The following MIDEAS variants were observed in gnomAD, a reference collection of about 807,000 sequenced individuals.
The protein encoded by MIDEAS is mitotic deacetylase associated SANT domain protein.
MIDEAS carries 26 observed loss-of-function variants against 102.7 expected under a neutral mutation model. The observed-to-expected ratio is 0.25, with a 90% confidence interval of 0.19 to 0.35. MIDEAS has a LOEUF of 0.35. Ranked by LOEUF, MIDEAS falls within the 10% of genes least tolerant of loss-of-function variation. The pLI, the probability that MIDEAS is intolerant of heterozygous loss-of-function variation, is 1.00. For missense variants in MIDEAS, 1,231 were observed against 1,435.6 expected (o/e 0.86, Z 2.30); for synonymous variants, 585 against 591.0 (o/e 0.99, Z 0.15).
Position 73,742,913 on chromosome 14 carries a change from G to A in MIDEAS, c.-247-2658C>T, listed in dbSNP as rs937438748. ...TAATGATGATGGTGATGGTGCACCC[G>A]TGCCAGGCAGATCCTACGTGCTTTA... is the stretch of plus-strand genomic sequence containing the variant. On this transcript the variant is annotated intron_variant, in intron 1 of 12. Transcript: ENST00000423556. The surrounding 1 kb of genome is among the most constrained non-coding windows in gnomAD (Gnocchi z 4.4). Among the ~76,000 whole-genome samples the A allele has an allele frequency of 8.5e-5, 13 of 152,284 alleles. No homozygotes were observed. Among genetic ancestry groups the A allele is most frequent in the Admixed American group, 3.3e-4 (5 of 15,308 alleles).
chr14:73,756,184 G>C (rs1184138287), intron 1 of MIDEAS, among the ~76,000 whole-genome samples: 1 of 152,036 alleles, frequency 6.6e-6, no homozygotes, highest in Admixed American at 6.6e-5. Flanking sequence ...CGGTGTGGAT[G>C]AATTTTGCTG....
intron 5 of MIDEAS, 141 bp downstream of exon 5, chr14:73,727,317 G>A (rs1475818932): frequency 2.3e-6 from 2 of 874,016 alleles, no homozygotes; most frequent in Non-Finnish European, 3.6e-6. Context: ...AAAGCCCAGG[G>A]CCACATACAG....
rs1331115869 is a variant in MIDEAS, at chr14:73,742,142, C to A, written c.-247-1887G>T. On this transcript the variant is annotated intron_variant, in intron 1 of 12. Transcript: ENST00000423556. The surrounding 1 kb of genome is among the most constrained non-coding windows in gnomAD (Gnocchi z 4.4). The stretch of plus-strand genomic sequence containing the variant: ...CCTCTCCGAGGGAACATCAAGCCCA[C>A]AGAACTAGAAGTGCGTGTCTGCAGA... 6.6e-6 allele frequency among the ~76,000 whole-genome samples: 1 copy of A among 152,248 alleles called. No homozygotes were observed.
At chr14:73,723,285 C>G (rs1367364572) in intron 9 of MIDEAS, 1 of 156,830 alleles carries the variant, frequency 6.4e-6, no homozygotes, top group African/African-American at 2.4e-5. Flanking sequence ...GCTGGGATTA[C>G]AGGTGTGTGC....
At chr14:73,727,672 A>G in intron 4 of MIDEAS, 148 bp from the exon 5 acceptor site, 1 of 715,606 alleles carries the variant, frequency 1.4e-6, no homozygotes, top group South Asian at 2.0e-5. Flanking sequence ...CTGGCTCTGC[A>G]GCCTGTCACC....
intron 1 of MIDEAS, among the ~76,000 whole-genome samples, chr14:73,767,503 T>G (rs1375446345): frequency 6.6e-6 from 1 of 151,786 alleles, no homozygotes; most frequent in Admixed American, 6.6e-5. Flanking sequence ...CCAGGTGTGG[T>G]GGTATGCACT....
At chr14:73,760,354 G>A (rs376945833), upstream of MIDEAS, 8 of 152,400 alleles carry the variant, frequency 5.2e-5, no homozygotes, top group African/African-American at 1.9e-4. The surrounding 1 kb of genome is among the most constrained non-coding windows in gnomAD (Gnocchi z 4.8). Context: ...CCCACTTCCT[G>A]CGACCAAATA....
At chr14:73,719,043 A>G (rs1166351292) in intron 12 of MIDEAS, 35 bp from the exon 13 acceptor site, 3 of 1,452,542 alleles carry the variant, frequency 2.1e-6, no homozygotes, top group Non-Finnish European at 2.7e-6. Flanking sequence ...GAACCGGCCT[A>G]GCCCACCCGG....
Position 73,739,801 on chromosome 14 carries a change from G to A in MIDEAS, c.208C>T (p.Leu70=). The A allele has an allele frequency of 6.2e-7, 1 of 1,613,512 alleles. No individual in the cohort carries two copies. Among genetic ancestry groups the A allele is most frequent in the Non-Finnish European group, 8.5e-7 (1 of 1,179,724 alleles). ...TATACCACAGAGTTCAGCAGGGCCA[G>A]GCTGCTAGGAGGGGGCAGTTCCACA... is the stretch of plus-strand genomic sequence containing the variant. The part of the protein sequence containing the change: ...QPVELPPPSS[L]ALLNSVVYGP... Residue 70 remains leucine (L), a synonymous_variant, in exon 2 of 13, where the codon CTG becomes TTG. Coordinates refer to ENST00000423556, the MANE Select transcript of MIDEAS (RefSeq NM_001367710.1).
At chr14:73,741,647 C>T (rs1355699152) in intron 1 of MIDEAS, among the ~76,000 whole-genome samples, 1 of 150,780 alleles carries the variant, frequency 6.6e-6, no homozygotes, top group African/African-American at 2.4e-5. Flanking sequence ...GCTATCGCTC[C>T]TCTGCAGGCT....
chr14:73,788,155 GAAAAA>G (rs71115905), upstream of MIDEAS, among the ~76,000 whole-genome samples: 1 of 130,676 alleles, frequency 7.7e-6, no homozygotes, highest in Non-Finnish European at 1.7e-5. Context: ...CTTTGCTGGT[GAAAAA>G]AAAAAAAAAA....
At chr14:73,753,955 A>G (rs986962790) in intron 1 of MIDEAS, among the ~76,000 whole-genome samples, 18 of 152,228 alleles carry the variant, frequency 1.2e-4, no homozygotes, top group African/African-American at 4.3e-4. Flanking sequence ...CACTCTAAGA[A>G]GAGCAATAAA....
At chr14:73,719,261 C>T in intron 12 of MIDEAS, 44 bp downstream of exon 12, 11 of 1,588,090 alleles carry the variant, frequency 6.9e-6, no homozygotes, top group Non-Finnish European at 9.4e-6. Flanking sequence ...CCTCCGCGCA[C>T]CAGCCCGCGG....
rs991976856 is a variant in MIDEAS at position 73,716,227 on chromosome 14, TA to T, written c.*2615del. The stretch of plus-strand genomic sequence containing the variant: ...ACTTGCCACAATTGCATCTGCCCTC[TA>T]AACTTTTTAATTTTCACACTGTATC... On this transcript the variant is annotated 3_prime_UTR_variant, in exon 13 of 13. Coordinates refer to ENST00000423556, the MANE Select transcript of MIDEAS (RefSeq NM_001367710.1). 3 of 152,552 alleles carry T rather than the reference TA, an allele frequency of 2.0e-5. No homozygotes were observed. Among genetic ancestry groups the T allele is most frequent in the Middle Eastern group, 3.4e-3 (1 of 294 alleles). 9.4% of individuals were successfully genotyped at this position (152,552 alleles called of 1,614,324 possible).
chr14:73,725,024 C>A lies in MIDEAS; in HGVS notation c.2574+248G>T. The A allele has an allele frequency of 7.9e-6, 3 of 382,160 alleles. No individual in the cohort carries two copies. The highest frequency in any genetic ancestry group is 5.3e-5 in the East Asian group (1 of 19,030). 23.7% of individuals were successfully genotyped at this position (382,160 alleles called of 1,614,324 possible). The stretch of plus-strand genomic sequence containing the variant: ...ATTTTAAGTCTGATGCCCACTTAGG[C>A]CTCCTTCTGGATTGAGACCCCAGAG... On this transcript the variant is annotated intron_variant, in intron 9 of 12. Coordinates refer to ENST00000423556, the MANE Select transcript of MIDEAS (RefSeq NM_001367710.1). The surrounding 1 kb of genome is among the most constrained non-coding windows in gnomAD (Gnocchi z 4.1).
intron 3 of MIDEAS, 60 bp downstream of exon 3, chr14:73,736,938 G>A: frequency 1.3e-6 from 2 of 1,512,990 alleles, no homozygotes; most frequent in Non-Finnish European, 1.8e-6. Flanking sequence ...TTCCCCATAG[G>A]GTCCTGGGCC....
chr14:73,750,545 C>T (rs537731819), intron 1 of MIDEAS, among the ~76,000 whole-genome samples: 1 of 152,216 alleles, frequency 6.6e-6, no homozygotes, highest in Non-Finnish European at 1.5e-5. Context: ...TGGGGGACTG[C>T]AGAGGTGAGC....
At position 73,781,401 on chromosome 14, in the gene MIDEAS, CCA is replaced by C. The variant is rs2053755977; in HGVS notation, c.-248+5699_-248+5700del. ...ATAACTTTTCAGAAATATGTAAATC[CCA>C]GTTTCACCCTTTTATGTTTATTAAG... On this transcript the variant is annotated intron_variant, in intron 1 of 11. Transcript: ENST00000394071. 2.0e-5 allele frequency among the ~76,000 whole-genome samples: 3 copies of C among 152,086 alleles called. No individual in the cohort carries two copies. The South Asian group carries it at 6.2e-4, about 32-fold the overall frequency.
intron 3 of MIDEAS, among the ~76,000 whole-genome samples, chr14:73,734,731 C>G (rs892551032): frequency 2.6e-5 from 4 of 152,136 alleles, no homozygotes; most frequent in Admixed American, 2.0e-4. Context: ...TGCACCTGGC[C>G]TCCTGTGCAT....
Sources: gnomAD v4.1 joint callset for allele counts (sites outside exome capture counted in the v4.1 genomes callset) on GRCh38, gnomAD v4.1.1 for gene constraint, Gnocchi (gnomAD v3.1) non-coding constraint, MANE v1.5 for transcripts, NCBI Gene and HGNC (gene_info 2026-07-23, HGNC 2026-07-21) for gene names.